COP1: variants seen among roughly 807,000 people sequenced by gnomAD.
COP1 encodes the protein COP1 E3 ubiquitin ligase, also known as E3 ubiquitin-protein ligase COP1.
COP1 carries 24 observed loss-of-function variants against 101.3 expected under a neutral mutation model. The ratio of observed to expected loss-of-function variants is 0.24; its 90% CI spans 0.17 to 0.33. COP1 has a LOEUF of 0.33. COP1 is among the 10% of genes least tolerant of loss of function. COP1 has a pLI of 1.00. For synonymous variants in COP1, 347 were observed against 341.9 expected (o/e 1.01, Z -0.17); for missense variants, 663 against 906.2 (o/e 0.73, Z 3.45).
chr1:176,046,441 C>T, intron 11 of COP1, 117 bp from the exon 12 acceptor site: 1 of 877,530 alleles, frequency 1.1e-6, no homozygotes, highest in Non-Finnish European at 1.7e-6. Flanking sequence ...TTGTACTAGA[C>T]CTCATATCCA....
At chr1:176,204,180 G>A (rs1469759984) in intron 1 of COP1, among the ~76,000 whole-genome samples, 2 of 152,052 alleles carry the variant, frequency 1.3e-5, no homozygotes, top group Non-Finnish European at 2.9e-5. Context: ...GTCCTTACCT[G>A]TCCAACGACA....
At chr1:176,063,398 A>C (rs371587986) in intron 11 of COP1, among the ~76,000 whole-genome samples, 1 of 152,328 alleles carries the variant, frequency 6.6e-6, no homozygotes, top group African/African-American at 2.4e-5. Flanking sequence ...TAACACAACT[A>C]TCAAAATTCA....
chr1:175,976,013 A>G (rs943842381), intron 18 of COP1, among the ~76,000 whole-genome samples: 2 of 152,230 alleles, frequency 1.3e-5, no homozygotes, highest in African/African-American at 4.8e-5. Context: ...TAAAGGGAAA[A>G]TCAGTTGTCA....
In COP1 at chr1:176,092,539, T is replaced by C. The variant is rs1189102064; in HGVS notation, c.1027-6649A>G. Among the ~76,000 whole-genome samples, 3 of 151,902 alleles carry C rather than the reference T, an allele frequency of 2.0e-5. No homozygotes were observed. The East Asian group carries it at 5.8e-4, about 29-fold the overall frequency. Reference sequence around the variant, plus strand: ...TTTCTCTAAGACCAACACAAAAAAATGGGGAAAGACTTGAAATGCCATTTC... The same window carrying C: ...TTTCTCTAAGACCAACACAAAAAAACGGGGAAAGACTTGAAATGCCATTTC... On this transcript the variant is annotated intron_variant, in intron 9 of 19. Transcript: ENST00000367669.
intron 18 of COP1, among the ~76,000 whole-genome samples, chr1:175,963,495 T>A (rs1651638832): frequency 6.6e-6 from 1 of 152,182 alleles, no homozygotes; most frequent in Non-Finnish European, 1.5e-5. Flanking sequence ...GTATCCCTTA[T>A]TTAGCTGTGT....
chr1:176,149,093 A>G lies in COP1; in HGVS notation c.763-19T>C, dbSNP rs189744025. 2 of 1,496,376 alleles carry G rather than the reference A, an allele frequency of 1.3e-6. No homozygotes were observed. The highest frequency in any genetic ancestry group is 2.3e-5 in the East Asian group (1 of 43,278). The allele number at this position is 1,496,376 out of a possible 1,614,324, so 92.7% of individuals were successfully genotyped here. On this transcript the variant is annotated intron_variant, in intron 5 of 19. Coordinates refer to ENST00000367669, the MANE Select transcript of COP1 (RefSeq NM_022457.7). The stretch of plus-strand genomic sequence containing the variant: ...GTGATTCCTACAATAGAAAATTATA[A>G]TTTTTCTTTTAAAAAATATAACTGA...
intron 14 of COP1, among the ~76,000 whole-genome samples, chr1:176,031,754 G>T (rs1040961037): frequency 6.6e-6 from 1 of 152,030 alleles, no homozygotes; most frequent in Non-Finnish European, 1.5e-5. Flanking sequence ...TTTCTTTAAC[G>T]TTAATGTGTA....
intron 5 of COP1, among the ~76,000 whole-genome samples, chr1:176,152,389 T>C (rs1216156042): frequency 1.3e-5 from 2 of 152,130 alleles, no homozygotes; most frequent in African/African-American, 4.8e-5. Context: ...ACTGTTGCTA[T>C]TTGCTATAAA....
At chr1:176,205,511 CATA>C (rs1275606092) in intron 1 of COP1, among the ~76,000 whole-genome samples, 3 of 152,216 alleles carry the variant, frequency 2.0e-5, no homozygotes, top group African/African-American at 7.2e-5. Context: ...CAACTTCCCT[CATA>C]ATGACTGTGC....
At chr1:176,084,284 T>C (rs1401277134) in intron 10 of COP1, among the ~76,000 whole-genome samples, 1 of 152,184 alleles carries the variant, frequency 6.6e-6, no homozygotes, top group Non-Finnish European at 1.5e-5. Context: ...TTGGGAATCT[T>C]AATATCCAGA....
chr1:176,009,786 G>A (rs940301982), intron 15 of COP1, among the ~76,000 whole-genome samples: 3 of 150,098 alleles, frequency 2.0e-5, no homozygotes, highest in Non-Finnish European at 4.4e-5. Flanking sequence ...AGTTACTTAG[G>A]AGACAGGGGC....
chr1:175,993,952 C>G (rs1404437008), intron 15 of COP1, among the ~76,000 whole-genome samples: 4 of 152,022 alleles, frequency 2.6e-5, no homozygotes, highest in African/African-American at 9.7e-5. Flanking sequence ...TCAGATTCAC[C>G]AAAGTTGAAA....
At chr1:176,049,410 G>A (rs890208040) in intron 11 of COP1, among the ~76,000 whole-genome samples, 1 of 151,648 alleles carries the variant, frequency 6.6e-6, no homozygotes, top group Non-Finnish European at 1.5e-5. Flanking sequence ...AATATATTAA[G>A]GTATCAAGAA....
chr1:175,962,931 T>G (rs1299824143), intron 18 of COP1, among the ~76,000 whole-genome samples: 1 of 152,216 alleles, frequency 6.6e-6, no homozygotes, highest in African/African-American at 2.4e-5. Context: ...AGTTCAAGAT[T>G]TATTGTTTGA....
intron 9 of COP1, among the ~76,000 whole-genome samples, chr1:176,091,535 A>G (rs2149454726): frequency 6.6e-6 from 1 of 152,278 alleles, no homozygotes; most frequent in Non-Finnish European, 1.5e-5. Flanking sequence ...ACAAAAAATT[A>G]TCCAAGTAAC....
intron 11 of COP1, among the ~76,000 whole-genome samples, chr1:176,074,939 A>G (rs1352547889): frequency 2.0e-5 from 3 of 152,206 alleles, no homozygotes; most frequent in South Asian, 2.1e-4. Flanking sequence ...TTAAAAGCAT[A>G]GTATACATTC....
At chr1:176,040,181 ACT>A (rs1241019532) in intron 14 of COP1, among the ~76,000 whole-genome samples, 2 of 151,992 alleles carry the variant, frequency 1.3e-5, no homozygotes, top group Non-Finnish European at 2.9e-5. Flanking sequence ...GTAACATGGT[ACT>A]CTCACTAATT....
intron 15 of COP1, among the ~76,000 whole-genome samples, chr1:176,007,516 G>A (rs1015912751): frequency 2.0e-5 from 3 of 150,732 alleles, no homozygotes; most frequent in Admixed American, 2.0e-4. Flanking sequence ...GTACAGATGG[G>A]TTTTTGGTGT....
chr1:176,183,508 C>T (rs1362865956), intron 2 of COP1, among the ~76,000 whole-genome samples: 1 of 152,146 alleles, frequency 6.6e-6, no homozygotes, highest in Non-Finnish European at 1.5e-5. Flanking sequence ...TTGGTGAGAA[C>T]ATAAAATAGT....
Sources: allele counts gnomAD v4.1 joint callset (sites outside exome capture counted in the v4.1 genomes callset), GRCh38; gene constraint gnomAD v4.1.1; transcripts MANE v1.5; gene names NCBI Gene and HGNC (gene_info 2026-07-23, HGNC 2026-07-21).